GNAI3: variants seen among roughly 807,000 people sequenced by gnomAD.
GNAI3 encodes G protein subunit alpha i3, also known as guanine nucleotide-binding protein G(i) subunit alpha-3.
A neutral mutation model predicts 41.8 loss-of-function variants in GNAI3; 12 were observed. The ratio of observed to expected loss-of-function variants is 0.29; its 90% CI spans 0.18 to 0.47. The LOEUF is 0.47. Ranked by LOEUF, GNAI3 falls within the 20% of genes least tolerant of loss-of-function variation. The probability of loss-of-function intolerance (pLI) is 1.00; values close to 1 mark genes in which losing one functional copy is unlikely to be tolerated. For synonymous variants in GNAI3, 132 were observed against 146.5 expected (o/e 0.90, Z 0.71); for missense variants, 360 against 429.6 (o/e 0.84, Z 1.43).
Position 109,599,667 on chromosome 1 carries a change from T to G in GNAI3, c.*7345T>G, listed in dbSNP as rs1649395800. On this transcript the variant is annotated 3_prime_UTR_variant, in exon 9 of 9. Coordinates refer to ENST00000369851, the MANE Select transcript of GNAI3 (RefSeq NM_006496.4). ...CCTCTAAGAATATGAAGAGGAAATT[T>G]TACCTTCAACAAACAAGCAAACTTA... 6.6e-6 allele frequency: 1 copy of G among 152,216 alleles called. No homozygotes were observed. The highest frequency in any genetic ancestry group is 2.4e-5 in the African/African-American group (1 of 41,442). 9.4% of individuals were successfully genotyped at this position (152,216 alleles called of 1,614,324 possible). A position where few individuals can be genotyped will look rare whatever the true frequency, so the allele number is the denominator to read the frequency against.
At position 109,573,755 on chromosome 1, in the gene GNAI3, A is replaced by G; in HGVS notation, c.137A>G (p.Lys46Arg). The change falls in exon 2 of 9, where the codon AAA (lysine) becomes AGA (arginine). Residue 46 changes from lysine to arginine, a missense_variant. Coordinates refer to ENST00000369851, the MANE Select transcript of GNAI3 (RefSeq NM_006496.4). ...LLLLGAGESG[K>R]STIVKQMKII... ...CTTACAGGTGCTGGAGAATCTGGTA[A>G]AAGCACCATTGTGAAACAGATGAAG... The G allele has an allele frequency of 6.2e-7, 1 of 1,612,266 alleles. No homozygotes were observed.
intron 3 of GNAI3, among the ~76,000 whole-genome samples, chr1:109,577,269 G>GTTTTTTTTTTTTTT (rs1395067814): frequency 5.8e-5 from 8 of 138,998 alleles, no homozygotes; most frequent in African/African-American, 2.2e-4. Flanking sequence ...TAGCTAAGGT[G>GTTTTTTTTTTTTTT]TTTTTTTTGT....
chr1:109,582,499 T>C lies in GNAI3; in HGVS notation c.524T>C (p.Leu175Pro). 1 of 1,599,870 alleles carries C rather than the reference T, an allele frequency of 6.3e-7. No homozygotes were observed. Among genetic ancestry groups the C allele is most frequent in the Non-Finnish European group, 8.6e-7 (1 of 1,167,036 alleles). Residue 175 changes from leucine (L) to proline (P), a missense_variant, in exon 5 of 9, where the codon CTT (leucine) becomes CCT (proline). Transcript: ENST00000369851. ...TACATTCCAACTCAGCAAGATGTTC[T>C]TCGGACGAGAGTGAAGACCACAGGC... is the stretch of plus-strand genomic sequence containing the variant. ...SNYIPTQQDV[L>P]RTRVKTTGIV...
intron 1 of GNAI3, among the ~76,000 whole-genome samples, chr1:109,554,406 A>G (rs901404175): frequency 6.6e-6 from 1 of 151,536 alleles, no homozygotes; most frequent in Non-Finnish European, 1.5e-5. Flanking sequence ...TTTTTTTATT[A>G]TGGCCATTAT....
intron 1 of GNAI3, among the ~76,000 whole-genome samples, chr1:109,565,099 A>G (rs1309552477): frequency 3.3e-5 from 5 of 151,994 alleles, no homozygotes; most frequent in Admixed American, 2.0e-4. Flanking sequence ...CGTCTCTACT[A>G]AAACTACAAA....
intron 1 of GNAI3, among the ~76,000 whole-genome samples, chr1:109,565,000 C>T (rs866614412): frequency 4.6e-5 from 7 of 152,074 alleles, no homozygotes; most frequent in African/African-American, 1.7e-4. Flanking sequence ...CGGTGGCTCA[C>T]GCTTGTAATC....
chr1:109,571,905 A>T (rs939351539), intron 1 of GNAI3, among the ~76,000 whole-genome samples: 13 of 150,602 alleles, frequency 8.6e-5, no homozygotes, highest in African/African-American at 2.9e-4. Context: ...GTGACAGAGC[A>T]AGAGTCTGTC....
chr1:109,581,148 A>C (rs978308550), intron 4 of GNAI3, among the ~76,000 whole-genome samples: 1 of 152,114 alleles, frequency 6.6e-6, no homozygotes, highest in Non-Finnish European at 1.5e-5. Context: ...ATTCACTTAC[A>C]TTGGTGCCAT....
rs1570557305 is a variant in GNAI3, at chr1:109,596,966, G to A, written c.*4644G>A. The A allele has an allele frequency of 6.6e-6, 1 of 152,134 alleles. No homozygotes were observed. Among genetic ancestry groups the A allele is most frequent in the East Asian group, 1.9e-4 (1 of 5,188 alleles). The allele number at this position is 152,134 out of a possible 1,614,324, so 9.4% of individuals were successfully genotyped here. ...ATCCAAATCTCTTGGGACCAGAAGTGTTTGAGAGTTCAGATTTTTGTGAGG... is the reference window on the plus strand; with the variant it reads ...ATCCAAATCTCTTGGGACCAGAAGTATTTGAGAGTTCAGATTTTTGTGAGG... On this transcript the variant is annotated 3_prime_UTR_variant, in exon 9 of 9. Transcript: ENST00000369851.
intron 1 of GNAI3, among the ~76,000 whole-genome samples, chr1:109,557,957 G>A (rs1349650507): frequency 9.9e-5 from 15 of 152,270 alleles, no homozygotes; most frequent in Non-Finnish European, 1.5e-5. Context: ...AGATGACAGT[G>A]CCTGACACCT....
In GNAI3 at chr1:109,594,094, C is replaced by G. The variant is rs1649237025; in HGVS notation, c.*1772C>G. ...TAACTGTATTATATAATGGAATTTTCTTTAGGTGTGGGAAAACTTGATCTG... is the reference window on the plus strand; with the variant it reads ...TAACTGTATTATATAATGGAATTTTGTTTAGGTGTGGGAAAACTTGATCTG... On this transcript the variant is annotated 3_prime_UTR_variant, in exon 9 of 9. Transcript: ENST00000369851. 1 of 152,486 alleles carries G rather than the reference C, an allele frequency of 6.6e-6. No homozygotes were observed. The highest frequency in any genetic ancestry group is 1.5e-5 in the Non-Finnish European group (1 of 68,004). 9.4% of individuals were successfully genotyped at this position (152,486 alleles called of 1,614,324 possible).
chr1:109,573,637 G>C (rs1454953515), intron 1 of GNAI3, 100 bp from the exon 2 acceptor site: 1 of 955,960 alleles, frequency 1.0e-6, no homozygotes. Flanking sequence ...TTTTCCCTAG[G>C]ACCCGTGGTT....
chr1:109,592,289 A>T, intron 8 of GNAI3, 34 bp downstream of exon 8: 2 of 1,119,706 alleles, frequency 1.8e-6, no homozygotes, highest in Non-Finnish European at 2.7e-6. Context: ...ATAGTGCTAC[A>T]GTGATGTCTC....
rs1193363869 is a variant in GNAI3, at chr1:109,548,886, C to T, written c.118+48C>T. On this transcript the variant is annotated intron_variant, in intron 1 of 8. Transcript: ENST00000369851. ...TGAGTGGTGGTCGGGAGAGCCTAGG[C>T]GCTTGGAAGGCCTGAACGGGGTCTG... 7.1e-6 allele frequency: 9 copies of T among 1,261,692 alleles called. No homozygotes were observed. In the Admixed American group the frequency reaches 1.4e-4, roughly 20 times the overall value. 78.2% of individuals were successfully genotyped at this position (1,261,692 alleles called of 1,614,324 possible). A position where few individuals can be genotyped will look rare whatever the true frequency, so the allele number is the denominator to read the frequency against.
chr1:109,576,596 G>A (rs1283582819), intron 3 of GNAI3, among the ~76,000 whole-genome samples: 10 of 151,772 alleles, frequency 6.6e-5, no homozygotes, highest in South Asian at 2.1e-4. Context: ...TTGGCTCACC[G>A]CAACCTCTGC....
chr1:109,586,337 G>A lies in GNAI3; in HGVS notation c.712G>A (p.Glu238Lys), dbSNP rs1398180623. ...TTATGACCTTGTTCTGGCTGAGGAC[G>A]AGGAGATGGTATGTTGGAGCTTCTG... Reference protein sequence around the residue: ...SDYDLVLAEDEEMNRMHESMK... With the variant: ...SDYDLVLAEDKEMNRMHESMK... The change falls in exon 6 of 9, where the codon GAG (glutamate) becomes AAG (lysine). Residue 238 changes from glutamate (E) to lysine (K), a missense_variant. Glu to Lys is a moderately conservative substitution (Grantham distance 56, BLOSUM62 1). Coordinates refer to ENST00000369851, the MANE Select transcript of GNAI3 (RefSeq NM_006496.4). 5 of 1,611,794 alleles carry A rather than the reference G, an allele frequency of 3.1e-6. No individual in the cohort carries two copies. Among genetic ancestry groups the A allele is most frequent in the Admixed American group, 1.7e-5 (1 of 59,628 alleles).
At chr1:109,566,864 G>A (rs923968166) in intron 1 of GNAI3, among the ~76,000 whole-genome samples, 1 of 152,044 alleles carries the variant, frequency 6.6e-6, no homozygotes, top group Non-Finnish European at 1.5e-5. Flanking sequence ...CACCTGGCCT[G>A]AAATGTCATT....
chr1:109,561,689 T>A (rs1648315402), intron 1 of GNAI3, among the ~76,000 whole-genome samples: 1 of 151,948 alleles, frequency 6.6e-6, no homozygotes, highest in African/African-American at 2.4e-5. Flanking sequence ...GGTAATAAAA[T>A]GTGATTACAG....
In GNAI3 at chr1:109,596,568, G is replaced by C. The variant is rs1649314761; in HGVS notation, c.*4246G>C. On this transcript the variant is annotated 3_prime_UTR_variant, in exon 9 of 9. Transcript: ENST00000369851. ...AGGGTTTCACCATGTTAGCCAGGCT[G>C]GTCTCAAACTCCTGACCTCAAGTGA... The C allele has an allele frequency of 6.6e-6, 1 of 152,214 alleles. No homozygotes were observed. Among genetic ancestry groups the C allele is most frequent in the Admixed American group, 6.5e-5 (1 of 15,270 alleles). 9.4% of individuals were successfully genotyped at this position (152,214 alleles called of 1,614,324 possible). A position where few individuals can be genotyped will look rare whatever the true frequency, so the allele number is the denominator to read the frequency against.
Sources: allele counts gnomAD v4.1 joint callset (sites outside exome capture counted in the v4.1 genomes callset), GRCh38; gene constraint gnomAD v4.1.1; transcripts MANE v1.5; gene names NCBI Gene and HGNC (gene_info 2026-07-23, HGNC 2026-07-21).